Variants in LRRC37A2 observed in about 807,000 individuals in gnomAD.
The protein encoded by LRRC37A2 is leucine rich repeat containing 37 member A2, also known as leucine-rich repeat-containing protein 37A2.
In LRRC37A2, 9 loss-of-function variants were observed where a neutral mutation model predicts 68.8. The ratio of observed to expected loss-of-function variants is 0.13; its 90% CI spans 0.08 to 0.23. LRRC37A2 has a LOEUF of 0.23. LRRC37A2 is among the 10% of genes least tolerant of loss of function. The pLI is 1.00. For synonymous variants in LRRC37A2, 63 were observed against 367.6 expected, an observed-to-expected ratio of 0.17 and a Z score of 9.48; for missense variants, 168 against 950.4, an observed-to-expected ratio of 0.18 and a Z score of 10.82.
intron 8 of LRRC37A2, among the ~76,000 whole-genome samples, chr17:46,543,255 C>T (rs1435236910): frequency 6.6e-6 from 1 of 150,490 alleles, no homozygotes; most frequent in Non-Finnish European, 1.5e-5. Context: ...AGTAGGCCAG[C>T]TCATTTGAGT....
At chr17:46,853,695 T>A in the LRRC37A2 span, among the ~76,000 whole-genome samples, 2 of 152,110 alleles carry the variant, frequency 1.3e-5, no homozygotes, top group Non-Finnish European at 1.5e-5. Context: ...AAACCAGTTA[T>A]AGAATCTTGA....
At chr17:46,503,078 G>T in the LRRC37A2 span, among the ~76,000 whole-genome samples, 2 of 150,632 alleles carry the variant, frequency 1.3e-5, no homozygotes, top group South Asian at 2.1e-4. Context: ...CGGCAGTGGT[G>T]GGGGGCGCCT....
At chr17:46,824,992 G>A in the LRRC37A2 span, among the ~76,000 whole-genome samples, 2 of 152,212 alleles carry the variant, frequency 1.3e-5, no homozygotes, top group African/African-American at 2.4e-5. Flanking sequence ...GTGGCCCCTC[G>A]TGCTGCCTCT....
chr17:46,909,505 C>T, the LRRC37A2 span, among the ~76,000 whole-genome samples: 1 of 151,928 alleles, frequency 6.6e-6, no homozygotes, highest in Non-Finnish European at 1.5e-5. Context: ...ACCTTTTTAC[C>T]TTTTTCTGTA....
At chr17:46,726,586 TG>T in the LRRC37A2 span, 1 of 1,613,910 alleles carries the variant, frequency 6.2e-7, no homozygotes, top group South Asian at 1.1e-5. Context: ...CTCAGTTGTG[TG>T]GTTGTGGATG....
the LRRC37A2 span, among the ~76,000 whole-genome samples, chr17:46,724,862 T>C: frequency 6.6e-6 from 1 of 152,176 alleles, no homozygotes; most frequent in Non-Finnish European, 1.5e-5. Flanking sequence ...TGAAGATGGC[T>C]TCCTCTGTCA....
At chr17:47,033,540 T>C in the LRRC37A2 span, among the ~76,000 whole-genome samples, 33 of 152,360 alleles carry the variant, frequency 2.2e-4, no homozygotes, top group Non-Finnish European at 4.1e-4. Flanking sequence ...TAGATCATTT[T>C]GGAGTTTGTC....
At chr17:47,036,593 A>C in the LRRC37A2 span, among the ~76,000 whole-genome samples, 2 of 152,084 alleles carry the variant, frequency 1.3e-5, no homozygotes, top group Non-Finnish European at 1.5e-5. Context: ...TTAAAAAAAA[A>C]AACATTATTT....
the LRRC37A2 span, among the ~76,000 whole-genome samples, chr17:46,991,558 G>A: frequency 6.6e-6 from 1 of 152,042 alleles, no homozygotes; most frequent in Non-Finnish European, 1.5e-5. Context: ...AACCCAGTGG[G>A]CTGAGATTGC....
chr17:46,866,100 G>A, the LRRC37A2 span, among the ~76,000 whole-genome samples: 5 of 152,320 alleles, frequency 3.3e-5, no homozygotes, highest in East Asian at 3.9e-4. Context: ...GGCATTGGGT[G>A]CTGTAGAAGA....
chr17:46,953,592 T>G, the LRRC37A2 span, among the ~76,000 whole-genome samples: 5 of 152,198 alleles, frequency 3.3e-5, no homozygotes, highest in Non-Finnish European at 5.9e-5. Context: ...CAAATGGTAT[T>G]TCTAGTTCTA....
chr17:46,833,565 C>G, the LRRC37A2 span: 2 of 394,256 alleles, frequency 5.1e-6, no homozygotes, highest in African/African-American at 4.1e-5. Context: ...AAACTCAAAC[C>G]CCAGTCTCCT....
chr17:46,999,730 A>G, the LRRC37A2 span, among the ~76,000 whole-genome samples: 1 of 151,812 alleles, frequency 6.6e-6, no homozygotes, highest in Non-Finnish European at 1.5e-5. Flanking sequence ...CTGGAACTAT[A>G]GCTCACGCCT....
At chr17:46,755,548 C>T in the LRRC37A2 span, 2 of 693,408 alleles carry the variant, frequency 2.9e-6, no homozygotes, top group Non-Finnish European at 2.4e-6. Context: ...TTTGCTCTCC[C>T]TGTCCTGCTT....
At chr17:46,923,169 G>A in the LRRC37A2 span, 3 of 1,482,676 alleles carry the variant, frequency 2.0e-6, no homozygotes, top group Non-Finnish European at 2.8e-6. Context: ...CAGAGCCGGA[G>A]CCGTGGCCTG....
chr17:46,386,455 T>G, the LRRC37A2 span, among the ~76,000 whole-genome samples: 1 of 52,708 alleles, frequency 1.9e-5, no homozygotes, highest in Non-Finnish European at 4.4e-5. Context: ...GGCTGAAAAG[T>G]AAGGAATAAT....
At chr17:46,940,860 T>C in the LRRC37A2 span, 1 of 1,431,876 alleles carries the variant, frequency 7.0e-7, no homozygotes, top group South Asian at 1.5e-5. Context: ...CCCAGGGGCA[T>C]TGAGACTGCA....
the LRRC37A2 span, among the ~76,000 whole-genome samples, chr17:46,849,849 C>CTTTTTTTTTTT: frequency 1.4e-5 from 2 of 145,750 alleles, no homozygotes. Context: ...CATTTAATAT[C>CTTTTTTTTTTT]TTTTTTTTTT....
chr17:46,776,585 C>A, the LRRC37A2 span, among the ~76,000 whole-genome samples: 2 of 152,270 alleles, frequency 1.3e-5, no homozygotes. Context: ...TCCCTCTGGG[C>A]TCAGGCTGCC....
Sources: allele counts gnomAD v4.1 joint callset (sites outside exome capture counted in the v4.1 genomes callset), GRCh38; gene constraint gnomAD v4.1.1; transcripts MANE v1.5; gene names NCBI Gene and HGNC (gene_info 2026-07-23, HGNC 2026-07-21).